Variants in CACNA1C observed in about 807,000 individuals in gnomAD.
CACNA1C encodes voltage-dependent L-type calcium channel subunit alpha-1C.
Under a neutral mutation model 229.0 loss-of-function variants are expected in CACNA1C, and 30 were observed. The observed-to-expected ratio is 0.13, with a 90% CI of 0.10 to 0.18. CACNA1C has a LOEUF of 0.18. CACNA1C is among the 10% of genes least tolerant of loss of function. CACNA1C has a pLI of 1.00. For missense variants in CACNA1C, 1,658 were observed against 2,845.0 expected (o/e 0.58, Z 9.49); for synonymous variants, 1,114 against 1,132.5 (o/e 0.98, Z 0.33).
At chr12:2,657,394 A>T (rs1361794713) in intron 34 of CACNA1C, among the ~76,000 whole-genome samples, 5 of 152,188 alleles carry the variant, frequency 3.3e-5, no homozygotes, top group Non-Finnish European at 7.3e-5. Context: ...GGATAAGAGT[A>T]TATACTGTTT....
Position 2,053,751 on chromosome 12 carries a change from G to C in CACNA1C, c.49+140G>C. The C allele has an allele frequency of 1.2e-5, 11 of 887,110 alleles. No individual in the cohort carries two copies. The highest frequency in any genetic ancestry group is 1.6e-5 in the Non-Finnish European group (11 of 687,238). 55.0% of individuals were successfully genotyped at this position (887,110 alleles called of 1,614,324 possible). A position where few individuals can be genotyped will look rare whatever the true frequency, so the allele number is the denominator to read the frequency against. ...CGTCCGCGAGGGGCGCCTCCGCCTC[G>C]TCGGAGCGCCCGGGAGCCCGGCGGG... On this transcript the variant is annotated intron_variant, in intron 1 of 46. Coordinates refer to ENST00000399655, the MANE Select transcript of CACNA1C (RefSeq NM_000719.7). This position sits in a 1 kb window ranked among gnomAD's most constrained non-coding sequence, Gnocchi z 5.8.
chr12:2,579,137 T>C (rs1212176466), intron 13 of CACNA1C, among the ~76,000 whole-genome samples: 2 of 152,118 alleles, frequency 1.3e-5, no homozygotes, highest in African/African-American at 4.8e-5. Flanking sequence ...CATGACCTGC[T>C]TGTCAGGCTC....
At chr12:2,496,069 G>A (rs1353008517) in intron 7 of CACNA1C, among the ~76,000 whole-genome samples, 1 of 152,104 alleles carries the variant, frequency 6.6e-6, no homozygotes, top group African/African-American at 2.4e-5. Flanking sequence ...ATCAAACATA[G>A]AGCTTTGTAA....
Position 2,679,410 on chromosome 12 carries a change from G to C in CACNA1C, c.5092-34G>C. The stretch of plus-strand genomic sequence containing the variant: ...TCTCTGGGAGGAGTGGGTGCTAAGG[G>C]GCTTCTCCACCCACCCCTCCTTCTT... On this transcript the variant is annotated intron_variant, in intron 41 of 46. Transcript: ENST00000399655. This position sits in a 1 kb window ranked among gnomAD's most constrained non-coding sequence, Gnocchi z 5.5. 7.0e-7 allele frequency: 1 copy of C among 1,431,050 alleles called. No individual in the cohort carries two copies. Among genetic ancestry groups the C allele is most frequent in the South Asian group, 1.4e-5 (1 of 72,602 alleles). 88.6% of individuals were successfully genotyped at this position (1,431,050 alleles called of 1,614,324 possible). A position where few individuals can be genotyped will look rare whatever the true frequency, so the allele number is the denominator to read the frequency against.
intron 30 of CACNA1C, among the ~76,000 whole-genome samples, chr12:2,635,659 G>C (rs1216583981): frequency 6.6e-6 from 1 of 152,092 alleles, no homozygotes; most frequent in Non-Finnish European, 1.5e-5. Flanking sequence ...TTAGCAGATG[G>C]ACTATGGAAA....
chr12:2,291,971 T>TG (rs1425147279), intron 3 of CACNA1C, among the ~76,000 whole-genome samples: 1 of 151,672 alleles, frequency 6.6e-6, no homozygotes, highest in Admixed American at 6.6e-5. Context: ...AAAGGGTCGT[T>TG]TAAGTTTCCC....
At chr12:2,635,134 T>A (rs2092310237) in intron 30 of CACNA1C, among the ~76,000 whole-genome samples, 1 of 152,024 alleles carries the variant, frequency 6.6e-6, no homozygotes, top group African/African-American at 2.4e-5. Context: ...TGTGAGCGCC[T>A]CACTCCCACA....
At position 2,649,602 on chromosome 12, in the gene CACNA1C, G is replaced by A. The variant is rs1331022475; in HGVS notation, c.3945+1095G>A. ...TTATTCTCCTTCTCGAGCAGCATTA[G>A]GAAACTGCAGCCACAGGGGAGGGCT... On this transcript the variant is annotated intron_variant, in intron 31 of 46. Transcript: ENST00000399655. This position sits in a 1 kb window ranked among gnomAD's most constrained non-coding sequence, Gnocchi z 4.4. 6.6e-6 allele frequency among the ~76,000 whole-genome samples: 1 copy of A among 152,142 alleles called. No homozygotes were observed. The highest frequency in any genetic ancestry group is 2.4e-5 in the African/African-American group (1 of 41,428).
At chr12:2,642,646 C>T (rs755670822) in intron 30 of CACNA1C, among the ~76,000 whole-genome samples, 50 of 152,212 alleles carry the variant, frequency 3.3e-4, no homozygotes, top group Admixed American at 1.3e-4. Flanking sequence ...TCTGCCCCGC[C>T]CTGCCTCACC....
intron 3 of CACNA1C, among the ~76,000 whole-genome samples, chr12:2,292,731 C>T (rs762530083): frequency 3.6e-4 from 55 of 152,162 alleles, no homozygotes; most frequent in Non-Finnish European, 4.6e-4. Flanking sequence ...TTTAGGCGGC[C>T]TGGGGAGCTT....
At chr12:2,471,569 G>A (rs1348319068) in intron 5 of CACNA1C, among the ~76,000 whole-genome samples, 2 of 152,006 alleles carry the variant, frequency 1.3e-5, no homozygotes, top group African/African-American at 4.8e-5. Context: ...ATCCTCTTTT[G>A]ACGAATATTT....
upstream of CACNA1C, among the ~76,000 whole-genome samples, chr12:2,052,158 T>G (rs1288719115): frequency 6.6e-6 from 1 of 151,838 alleles, no homozygotes; most frequent in Non-Finnish European, 1.5e-5. Flanking sequence ...CCTGCCGGAG[T>G]TGCAGAAATA....
chr12:2,039,835 T>C (rs940869054), intron 1 of CACNA1C, among the ~76,000 whole-genome samples: 4 of 148,702 alleles, frequency 2.7e-5, no homozygotes, highest in African/African-American at 1.0e-4. Context: ...AGCATCCCTG[T>C]GCCTGAGCTG....
intron 1 of CACNA1C, among the ~76,000 whole-genome samples, chr12:2,102,095 TC>T (rs1172375198): frequency 3.3e-5 from 5 of 152,150 alleles, no homozygotes; most frequent in African/African-American, 1.2e-4. Flanking sequence ...TCCTGGGACT[TC>T]CCTCCTGTTG....
At chr12:2,607,753 C>T (rs2076009986) in intron 26 of CACNA1C, 2 of 152,300 alleles carry the variant, frequency 1.3e-5, no homozygotes, top group Non-Finnish European at 2.9e-5. Context: ...TAGATACCTG[C>T]TTTTCCCCCA....
At chr12:2,322,661 TC>T (rs2096067457) in intron 3 of CACNA1C, among the ~76,000 whole-genome samples, 1 of 152,188 alleles carries the variant, frequency 6.6e-6, no homozygotes. Context: ...CTCTCTCCCT[TC>T]CTTCTGCTCA....
At chr12:2,417,703 G>A (rs1595739954) in intron 3 of CACNA1C, among the ~76,000 whole-genome samples, 1 of 152,090 alleles carries the variant, frequency 6.6e-6, no homozygotes, top group Admixed American at 6.6e-5. Flanking sequence ...TTCTCATTCA[G>A]TTAAAAATCT....
intron 6 of CACNA1C, among the ~76,000 whole-genome samples, chr12:2,487,426 A>G (rs1044576292): frequency 6.8e-6 from 1 of 147,170 alleles, no homozygotes; most frequent in Admixed American, 6.8e-5. Flanking sequence ...AAAACAGAAT[A>G]CTTTCTATGT....
Position 2,595,863 on chromosome 12 carries a change from C to T in CACNA1C, c.2664-11C>T. The T allele has an allele frequency of 6.2e-7, 1 of 1,612,612 alleles. No individual in the cohort carries two copies. The highest frequency in any genetic ancestry group is 8.5e-7 in the Non-Finnish European group (1 of 1,179,298). On this transcript the variant is annotated splice_polypyrimidine_tract_variant and intron_variant, in intron 19 of 46. Coordinates refer to ENST00000399655, the MANE Select transcript of CACNA1C (RefSeq NM_000719.7). This position sits in a 1 kb window ranked among gnomAD's most constrained non-coding sequence, Gnocchi z 4.1. The stretch of plus-strand genomic sequence containing the variant: ...TGACTTGTCTCTCCTCCTGTCCCCT[C>T]TCCCGTACAGGTTTCGCCTCCAGTG...
Sources: allele counts gnomAD v4.1 joint callset (sites outside exome capture counted in the v4.1 genomes callset), GRCh38; gene constraint gnomAD v4.1.1; non-coding constraint Gnocchi (gnomAD v3.1); transcripts MANE v1.5; gene names NCBI Gene and HGNC (gene_info 2026-07-23, HGNC 2026-07-21).